The following FASN variants were observed in gnomAD, a reference collection of about 807,000 sequenced individuals.
FASN encodes the protein 3-hydroxyacyl-[acyl-carrier-protein] dehydratase.
Under a neutral mutation model 250.0 loss-of-function variants are expected in FASN, and 50 were observed. That is an observed-to-expected ratio of 0.20 (90% CI 0.16 to 0.25). FASN has a LOEUF of 0.25. Ranked by LOEUF, FASN falls within the 10% of genes least tolerant of loss-of-function variation. The pLI is 1.00. For synonymous variants in FASN, 1,909 were observed against 1,584.0 expected (o/e 1.21, Z -4.87); for missense variants, 3,031 against 3,498.5 (o/e 0.87, Z 3.37).
rs760913867 is a variant in FASN at position 82,080,384 on chromosome 17, G to C, written c.7033C>G (p.Leu2345Val). The C allele has an allele frequency of 1.4e-5, 23 of 1,603,546 alleles. No individual in the cohort carries two copies. The South Asian group carries it at 2.3e-4, about 16-fold the overall frequency. ...CTGGCTCTCACCTGGGTGTAGGCCA[G>C]TACGTAGGTGGGCGAGCCGTCGAAC... is the stretch of plus-strand genomic sequence containing the variant. ...FLFDGSPTYV[L>V]AYTQSYRAKL... Residue 2345 changes from leucine (L) to valine (V), a missense_variant, in exon 40 of 43, where the codon CTG (leucine) becomes GTG (valine). Coordinates refer to ENST00000306749, the MANE Select transcript of FASN (RefSeq NM_004104.5).
chr17:82,085,603 G>A lies in FASN; in HGVS notation c.4001C>T (p.Ala1334Val), dbSNP rs1462307070. The change falls in exon 23 of 43, where the codon GCT becomes GTT. Residue 1334 changes from alanine to valine, a missense_variant. Coordinates refer to ENST00000306749, the MANE Select transcript of FASN (RefSeq NM_004104.5). ...CAGAAAGCCCCCTTCTCTCAGGGCA[G>A]CCACCATGTTGCTGAGAGCTGAGGC... ...DPASALSNMV[A>V]ALREGGFLLL... 6.3e-7 allele frequency: 1 copy of A among 1,599,568 alleles called. No homozygotes were observed. Among genetic ancestry groups the A allele is most frequent in the Non-Finnish European group, 8.5e-7 (1 of 1,173,904 alleles).
intron 10 of FASN, 116 bp from the exon 11 acceptor site, chr17:82,090,680 T>C (rs2034189005): frequency 1.3e-5 from 15 of 1,119,502 alleles, no homozygotes; most frequent in Non-Finnish European, 2.0e-5. Flanking sequence ...CTCCCAGGTC[T>C]CCTGATAGGA....
In FASN at chr17:82,092,515, G is replaced by A; in HGVS notation, c.969C>T (p.Gly323=). ...CATRQEPLLI[G]STKSNMGHPE... Reference sequence around the variant, plus strand: ...GGTGCCCCATGTTGGACTTGGTGGAGCCGATGAGCAGCGGCTCCTGGCGGG... The same window carrying A: ...GGTGCCCCATGTTGGACTTGGTGGAACCGATGAGCAGCGGCTCCTGGCGGG... The change falls in exon 8 of 43, where the codon GGC becomes GGT. Residue 323 remains glycine (G), a synonymous_variant. Coordinates refer to ENST00000306749, the MANE Select transcript of FASN (RefSeq NM_004104.5). 1.2e-6 allele frequency: 2 copies of A among 1,603,284 alleles called. No individual in the cohort carries two copies. Among genetic ancestry groups the A allele is most frequent in the Non-Finnish European group, 1.7e-6 (2 of 1,177,286 alleles).
chr17:82,081,267 C>G lies in FASN; in HGVS notation c.6492G>C (p.Gln2164His), dbSNP rs1568104948. The G allele has an allele frequency of 6.4e-7, 1 of 1,570,026 alleles. No homozygotes were observed. Among genetic ancestry groups the G allele is most frequent in the Non-Finnish European group, 8.6e-7 (1 of 1,157,846 alleles). ...CCAGGTTGAGCTCACGCTCCAGCGT[C>G]TGGCGCACCTCCACGCTCATGAGCG... ...LDSLMSVEVR[Q>H]TLERELNLVL... Residue 2164 changes from glutamine to histidine, a missense_variant, in exon 38 of 43, where the codon CAG becomes CAC. Transcript: ENST00000306749.
Position 82,084,917 on chromosome 17 carries a change from G to C in FASN, c.4446C>G (p.His1482Gln). Residue 1482 changes from histidine to glutamine, a missense_variant, in exon 26 of 43, where the codon CAC (histidine) becomes CAG (glutamine). Physicochemically the swap from His to Gln is conservative, Grantham distance 24. Coordinates refer to ENST00000306749, the MANE Select transcript of FASN (RefSeq NM_004104.5). ...VLLSNLSSTS[H>Q]VPEVDPGSAE... The stretch of plus-strand genomic sequence containing the variant: ...CGGAGCCCGGGTCCACCTCCGGGAC[G>C]TGGGAGGTGCTGCTGAGGTTGGAGA... The C allele has an allele frequency of 6.4e-7, 1 of 1,553,074 alleles. No individual in the cohort carries two copies. The highest frequency in any genetic ancestry group is 8.7e-7 in the Non-Finnish European group (1 of 1,148,336).
At position 82,087,415 on chromosome 17, in the gene FASN, C is replaced by T. The variant is rs112444332; in HGVS notation, c.3133G>A (p.Gly1045Ser). 3.5e-5 allele frequency: 57 copies of T among 1,612,668 alleles called. No individual in the cohort carries two copies. Among genetic ancestry groups the T allele is most frequent in the African/African-American group, 2.3e-4 (17 of 75,040 alleles). Residue 1045 changes from glycine (G) to serine (S), a missense_variant, in exon 20 of 43, where the codon GGC becomes AGC. Gly to Ser is a moderately conservative substitution (Grantham distance 56). Coordinates refer to ENST00000306749, the MANE Select transcript of FASN (RefSeq NM_004104.5). ...QMSILGSAKH[G>S]LYLPTRVTAI... ...GTGACACGGGTGGGCAGGTACAGGC[C>T]GTGCTTGGCCGAGCCCAGGATGGAC... is the stretch of plus-strand genomic sequence containing the variant.
Position 82,085,335 on chromosome 17 carries a change from C to A in FASN, c.4190G>T (p.Gly1397Val). 2 of 1,611,574 alleles carry A rather than the reference C, an allele frequency of 1.2e-6. No individual in the cohort carries two copies. The highest frequency in any genetic ancestry group is 1.7e-6 in the Non-Finnish European group (2 of 1,179,538). The change falls in exon 24 of 43, where the codon GGC becomes GTC. Residue 1397 changes from glycine (G) to valine (V), a missense_variant. Gly to Val is a moderately radical substitution (Grantham distance 109). Coordinates refer to ENST00000306749, the MANE Select transcript of FASN (RefSeq NM_004104.5). Reference protein sequence around the residue: ...RLVGLKKSFYGSTLFLCRRPT... With the variant: ...RLVGLKKSFYVSTLFLCRRPT... ...CCGGCGGCACAGGAAGAGCGTGGAG[C>A]CGTAGAAGGACTTCTTCAGGCCCAC...
At chr17:82,083,916 G>C in intron 29 of FASN, 25 bp from the exon 30 acceptor site, 1 of 1,553,932 alleles carries the variant, frequency 6.4e-7, no homozygotes. Context: ...AAGCGCGGCT[G>C]GTGAGCCAGG....
rs1425581263 is a variant in FASN at position 82,088,838 on chromosome 17, G to A, written c.2343C>T (p.Ile781=). The A allele has an allele frequency of 1.9e-6, 3 of 1,612,592 alleles. No individual in the cohort carries two copies. The highest frequency in any genetic ancestry group is 2.5e-6 in the Non-Finnish European group (3 of 1,179,824). ...LKRGLKPSCT[I]IPLMKKDHRD... Reference sequence around the variant, plus strand: ...TGTGATCCTTCTTCATCAGGGGGATGATGGTGCAGCTCGGCTTCAGGCCAC... The same window carrying A: ...TGTGATCCTTCTTCATCAGGGGGATAATGGTGCAGCTCGGCTTCAGGCCAC... Residue 781 remains isoleucine, a synonymous_variant, in exon 15 of 43, where the codon ATC becomes ATT. Transcript: ENST00000306749.
At chr17:82,092,646 C>CCT in intron 7 of FASN, 51 bp downstream of exon 7, 1 of 1,218,034 alleles carries the variant, frequency 8.2e-7, no homozygotes, top group Non-Finnish European at 1.1e-6. Context: ...CAGGCATGGG[C>CCT]GTAGGTTAGG....
intron 22 of FASN, 117 bp from the exon 23 acceptor site, chr17:82,085,988 G>A: frequency 7.5e-7 from 1 of 1,325,102 alleles, no homozygotes; most frequent in Non-Finnish European, 1.0e-6. Context: ...TCAACCTGAT[G>A]ACGGTGCCAG....
rs1568108059 is a variant in FASN at position 82,084,108 on chromosome 17, G to C, written c.4965C>G (p.Ala1655=). Residue 1655 remains alanine (A), a synonymous_variant, in exon 29 of 43, where the codon GCC becomes GCG. Coordinates refer to ENST00000306749, the MANE Select transcript of FASN (RefSeq NM_004104.5). The part of the protein sequence containing the change: ...AASVPVVYST[A]YYALVVRGRV... ...GCCCACGCACCACCAGCGCGTAGTAGGCCGTGCTGTAGACGACAGGCACCG... is the reference window on the plus strand; with the variant it reads ...GCCCACGCACCACCAGCGCGTAGTACGCCGTGCTGTAGACGACAGGCACCG... 6.3e-7 allele frequency: 1 copy of C among 1,575,172 alleles called. No individual in the cohort carries two copies. The highest frequency in any genetic ancestry group is 8.6e-7 in the Non-Finnish European group (1 of 1,161,802).
Position 82,089,595 on chromosome 17 carries a change from A to G in FASN, c.1965+37T>C, listed in dbSNP as rs532528790. 1.6e-5 allele frequency: 25 copies of G among 1,563,436 alleles called. No individual in the cohort carries two copies. In the African/African-American group the frequency reaches 2.0e-4, roughly 13 times the overall value. On this transcript the variant is annotated intron_variant, in intron 12 of 42. Coordinates refer to ENST00000306749, the MANE Select transcript of FASN (RefSeq NM_004104.5). ...CTGCCAGACTTGCAATGGCAGGCGC[A>G]GGGGACAGAGGAGCCCGCCCAGGCC...
Position 82,084,781 on chromosome 17 carries a change from G to A in FASN, c.4564+18C>T. On this transcript the variant is annotated intron_variant, in intron 26 of 42. Transcript: ENST00000306749. Reference sequence around the variant, plus strand: ...GGTGCAGTCTCCCGGGAGGGGCAGGGCAGTGTCGGGGGCTCACCCTCCTCC... The same window carrying A: ...GGTGCAGTCTCCCGGGAGGGGCAGGACAGTGTCGGGGGCTCACCCTCCTCC... The A allele has an allele frequency of 6.5e-7, 1 of 1,550,154 alleles. No individual in the cohort carries two copies. Among genetic ancestry groups the A allele is most frequent in the Non-Finnish European group, 8.7e-7 (1 of 1,147,068 alleles).
rs776838085 is a variant in FASN, at chr17:82,082,380, G to A, written c.5954C>T (p.Pro1985Leu). 1.2e-6 allele frequency: 2 copies of A among 1,612,752 alleles called. No homozygotes were observed. The highest frequency in any genetic ancestry group is 2.2e-5 in the East Asian group (1 of 44,898). ...CTTGCAGACGTCCTGGAAGAACTCTGGGGTCTGGTTCTCCAGCAAGCCATC... is the reference window on the plus strand; with the variant it reads ...CTTGCAGACGTCCTGGAAGAACTCTAGGGTCTGGTTCTCCAGCAAGCCATC... ...LRDGLLENQTPEFFQDVCKPK... is the reference protein window; with the variant it reads ...LRDGLLENQTLEFFQDVCKPK... Residue 1985 changes from proline to leucine, a missense_variant, in exon 35 of 43, where the codon CCA becomes CTA. Transcript: ENST00000306749.
At chr17:82,095,134 G>A (rs1005999397) in intron 3 of FASN, among the ~76,000 whole-genome samples, 186 bp downstream of exon 3, 5 of 152,266 alleles carry the variant, frequency 3.3e-5, no homozygotes, top group Non-Finnish European at 5.9e-5. Context: ...CTGGGGTGCA[G>A]TTGGGAAACT....
At chr17:82,087,574 G>T in intron 19 of FASN, 70 bp from the exon 20 acceptor site, 1 of 1,601,902 alleles carries the variant, frequency 6.2e-7, no homozygotes, top group Non-Finnish European at 8.5e-7. Flanking sequence ...AGCCCACCGG[G>T]CCCCTCTGCT....
In FASN at chr17:82,090,865, G is replaced by A. The variant is rs762710630; in HGVS notation, c.1680+17C>T. ...CTGGGGCTGGCGTTGCTCACACGCT[G>A]GCAGGCTGGGCCCTACCTGGATGGC... On this transcript the variant is annotated intron_variant, in intron 10 of 42. Coordinates refer to ENST00000306749, the MANE Select transcript of FASN (RefSeq NM_004104.5). 2 of 1,567,808 alleles carry A rather than the reference G, an allele frequency of 1.3e-6. No individual in the cohort carries two copies. Among genetic ancestry groups the A allele is most frequent in the Non-Finnish European group, 1.7e-6 (2 of 1,157,532 alleles).
In FASN at chr17:82,081,718, G is replaced by C. The variant is rs772324825; in HGVS notation, c.6289C>G (p.Leu2097Val). 1 of 1,612,750 alleles carries C rather than the reference G, an allele frequency of 6.2e-7. No individual in the cohort carries two copies. The highest frequency in any genetic ancestry group is 8.5e-7 in the Non-Finnish European group (1 of 1,179,998). ...RMASCLEVLD[L>V]FLNQPHMVLS... ...ACCATGTGGGGCTGGTTCAGGAAGA[G>C]GTCCAGCACCTCCAGGCAGGACGCC... The change falls in exon 37 of 43, where the codon CTC becomes GTC. Residue 2097 changes from leucine to valine, a missense_variant. Coordinates refer to ENST00000306749, the MANE Select transcript of FASN (RefSeq NM_004104.5).
Sources: allele counts gnomAD v4.1 joint callset (sites outside exome capture counted in the v4.1 genomes callset), GRCh38; gene constraint gnomAD v4.1.1; transcripts MANE v1.5; gene names NCBI Gene and HGNC (gene_info 2026-07-23, HGNC 2026-07-21).